Variants in STRN3 observed in about 807,000 individuals in gnomAD.
STRN3 encodes striatin-3.
STRN3 carries 29 observed loss-of-function variants against 95.6 expected under a neutral mutation model. The observed-to-expected ratio is 0.30, with a 90% confidence interval of 0.23 to 0.41. The LOEUF (loss-of-function observed/expected upper bound fraction) is 0.41, where lower values mean the gene tolerates loss of function less well. STRN3 is among the 10% of genes least tolerant of loss of function. STRN3 has a pLI of 1.00. For missense variants in STRN3, 890 were observed against 972.1 expected (o/e 0.92, Z 1.12); for synonymous variants, 331 against 357.6 (o/e 0.93, Z 0.84).
At chr14:30,969,512 T>TA (rs1314432740) in intron 1 of STRN3, among the ~76,000 whole-genome samples, 3 of 152,234 alleles carry the variant, frequency 2.0e-5, no homozygotes, top group African/African-American at 7.2e-5. Flanking sequence ...TACAAGGTTT[T>TA]ATTAAAATTA....
At chr14:30,965,042 A>C (rs151030756) in intron 1 of STRN3, among the ~76,000 whole-genome samples, 1 of 152,292 alleles carries the variant, frequency 6.6e-6, no homozygotes, top group Non-Finnish European at 1.5e-5. Flanking sequence ...CACAGAAAAC[A>C]TGTTATTTGA....
At chr14:30,971,747 T>C (rs1239141899) in intron 1 of STRN3, among the ~76,000 whole-genome samples, 1 of 152,132 alleles carries the variant, frequency 6.6e-6, no homozygotes, top group Non-Finnish European at 1.5e-5. Context: ...CAGGGGTAAA[T>C]GACCCCTTTA....
In STRN3 at chr14:30,895,445, G is replaced by C. The variant is rs895052706; in HGVS notation, c.2360C>G (p.Ala787Gly). ...FHSSKAYIAS[A>G]GADALAKVFV ...TACTTTGGCAAGAGCATCAGCTCCT[G>C]CACTAGCTATATATGCTTTTGACGA... Residue 787 changes from alanine (A) to glycine (G), a missense_variant, in exon 18 of 18, where the codon GCA (alanine) becomes GGA (glycine). Physicochemically the swap from Ala to Gly is moderately conservative, Grantham distance 60 (BLOSUM62 0). Transcript: ENST00000357479. The C allele has an allele frequency of 6.2e-7, 1 of 1,612,770 alleles. No individual in the cohort carries two copies. Among genetic ancestry groups the C allele is most frequent in the Non-Finnish European group, 8.5e-7 (1 of 1,179,370 alleles).
chr14:30,974,623 A>AG (rs1880997068), intron 1 of STRN3, among the ~76,000 whole-genome samples: 1 of 150,850 alleles, frequency 6.6e-6, no homozygotes, highest in Non-Finnish European at 1.5e-5. Flanking sequence ...AAAAAAAAAA[A>AG]CCTTGAAAAT....
Position 30,929,327 on chromosome 14 carries a change from T to C in STRN3, c.989-16A>G. The C allele has an allele frequency of 6.2e-7, 1 of 1,604,154 alleles. No individual in the cohort carries two copies. Among genetic ancestry groups the C allele is most frequent in the South Asian group, 1.1e-5 (1 of 89,706 alleles). ...TCATCTTTATCTACATGCAGCATAT[T>C]ATTAAAAGAAAAAAAATCAGCAGTT... On this transcript the variant is annotated splice_polypyrimidine_tract_variant and intron_variant, in intron 7 of 17. Coordinates refer to ENST00000357479, the MANE Select transcript of STRN3 (RefSeq NM_001083893.2).
chr14:30,964,558 G>A, intron 1 of STRN3: 1 of 164,190 alleles, frequency 6.1e-6, no homozygotes, highest in Non-Finnish European at 1.3e-5. Context: ...GCTTTGTGAT[G>A]GGAACAATGA....
At chr14:30,952,738 C>T (rs540196731) in intron 3 of STRN3, among the ~76,000 whole-genome samples, 65 of 152,148 alleles carry the variant, frequency 4.3e-4, no homozygotes, top group Middle Eastern at 3.4e-3. Flanking sequence ...CTATCCCAAA[C>T]GTAAGCATTT....
intron 5 of STRN3, among the ~76,000 whole-genome samples, chr14:30,945,944 T>G (rs11625404): frequency 1 from 151,766 of 152,292 alleles, 75,627 homozygotes; most frequent in Non-Finnish European, 1. Flanking sequence ...GAACAATTCT[T>G]TAAGTATTCT....
chr14:30,964,804 C>T (rs866365070), intron 1 of STRN3, among the ~76,000 whole-genome samples: 2 of 151,818 alleles, frequency 1.3e-5, no homozygotes, highest in Non-Finnish European at 2.9e-5. Context: ...CCTGTAATCC[C>T]AAGTACTCCA....
At chr14:30,997,634 C>A (rs1019288090) in intron 1 of STRN3, among the ~76,000 whole-genome samples, 1 of 152,192 alleles carries the variant, frequency 6.6e-6, no homozygotes, top group Non-Finnish European at 1.5e-5. Context: ...GTCTATAAAA[C>A]CTGTGTGTAT....
chr14:30,973,339 G>A (rs1237707284), intron 1 of STRN3, among the ~76,000 whole-genome samples: 4 of 151,262 alleles, frequency 2.6e-5, no homozygotes, highest in Non-Finnish European at 4.4e-5. Flanking sequence ...TAGGTGGGGG[G>A]GAGGGGGAGA....
chr14:30,954,339 G>T (rs1195827276), intron 3 of STRN3, among the ~76,000 whole-genome samples: 1 of 151,956 alleles, frequency 6.6e-6, no homozygotes, highest in Non-Finnish European at 1.5e-5. Context: ...ACTGAGAAAG[G>T]GGTATAAATA....
chr14:30,981,745 G>C (rs1333257839), intron 1 of STRN3, among the ~76,000 whole-genome samples: 1 of 152,086 alleles, frequency 6.6e-6, no homozygotes, highest in East Asian at 1.9e-4. Flanking sequence ...CAAAAAACTT[G>C]CTTGCAAGAG....
chr14:30,979,823 C>T (rs555955969), intron 1 of STRN3, among the ~76,000 whole-genome samples: 1 of 151,614 alleles, frequency 6.6e-6, no homozygotes, highest in African/African-American at 2.4e-5. Flanking sequence ...TGGTCTTGAA[C>T]TCCTGACCTC....
chr14:31,025,693 G>T, intron 1 of STRN3: 1 of 728,184 alleles, frequency 1.4e-6, no homozygotes, highest in Non-Finnish European at 2.2e-6. Flanking sequence ...GCACCGCGTA[G>T]CCAGTGAAGG....
chr14:30,988,833 A>G (rs1314759176), intron 1 of STRN3, among the ~76,000 whole-genome samples: 1 of 152,194 alleles, frequency 6.6e-6, no homozygotes, highest in East Asian at 1.9e-4. Context: ...CAGCCATCCA[A>G]CTTTTGTTCA....
chr14:30,984,941 C>T (rs1881606080), intron 1 of STRN3, among the ~76,000 whole-genome samples: 1 of 152,056 alleles, frequency 6.6e-6, no homozygotes, highest in South Asian at 2.1e-4. Context: ...TTAGAAATTC[C>T]TAGGATCTTT....
At chr14:31,025,301 G>A (rs1286842433) in intron 1 of STRN3, 2 of 155,088 alleles carry the variant, frequency 1.3e-5, no homozygotes, top group Non-Finnish European at 2.9e-5. Flanking sequence ...CATCTCAGGT[G>A]AGAAAGTACT....
At chr14:30,956,614 GATCT>G (rs1019705038) in intron 1 of STRN3, among the ~76,000 whole-genome samples, 35 of 152,224 alleles carry the variant, frequency 2.3e-4, no homozygotes, top group African/African-American at 8.2e-4. Flanking sequence ...AACTTTGTTA[GATCT>G]AACACATCCC....
Sources: gnomAD v4.1 joint callset for allele counts (sites outside exome capture counted in the v4.1 genomes callset) on GRCh38, gnomAD v4.1.1 for gene constraint, MANE v1.5 for transcripts, NCBI Gene and HGNC (gene_info 2026-07-23, HGNC 2026-07-21) for gene names.